The following FRYL variants were observed in gnomAD, a reference collection of about 807,000 sequenced individuals.
FRYL encodes FRY like transcription coactivator.
FRYL carries 150 observed loss-of-function variants against 351.2 expected under a neutral mutation model. The observed-to-expected ratio is 0.43, with a 90% confidence interval of 0.37 to 0.49. FRYL has a LOEUF of 0.49. FRYL is among the 20% of genes least tolerant of loss of function. The pLI, the probability that FRYL is intolerant of heterozygous loss-of-function variation, is 0.00. For missense variants in FRYL, 3,036 were observed against 3,619.3 expected (o/e 0.84, Z 4.13); for synonymous variants, 1,153 against 1,257.1 (o/e 0.92, Z 1.75).
intron 55 of FRYL, among the ~76,000 whole-genome samples, chr4:48,518,908 T>C (rs1046460457): frequency 5.9e-5 from 9 of 152,232 alleles, no homozygotes; most frequent in African/African-American, 2.2e-4. Context: ...TGAAGCTCCA[T>C]AAAACCAAAA....
intron 3 of FRYL, among the ~76,000 whole-genome samples, chr4:48,668,386 T>TAAAAAAAA (rs1226517947): frequency 4.9e-5 from 6 of 122,816 alleles, no homozygotes; most frequent in African/African-American, 3.0e-5. Context: ...CTCAAAAAAT[T>TAAAAAAAA]AAAAAAAAAA....
intron 3 of FRYL, among the ~76,000 whole-genome samples, chr4:48,653,463 T>C (rs1388234562): frequency 2.6e-5 from 4 of 151,950 alleles, no homozygotes; most frequent in Non-Finnish European, 5.9e-5. Context: ...TTTGCCAGAA[T>C]AACACAAATT....
At chr4:48,642,689 C>T (rs539557892) in intron 3 of FRYL, among the ~76,000 whole-genome samples, 31 of 152,126 alleles carry the variant, frequency 2.0e-4, no homozygotes, top group African/African-American at 7.2e-4. Flanking sequence ...TATTATAAAG[C>T]TCAAGAAAAA....
intron 35 of FRYL, among the ~76,000 whole-genome samples, chr4:48,553,615 G>A (rs1305563990): frequency 4.0e-5 from 6 of 150,874 alleles, no homozygotes; most frequent in Non-Finnish European, 5.9e-5. Flanking sequence ...TATGTTTAGC[G>A]GTTTAGTGGT....
intron 1 of FRYL, 141 bp downstream of exon 1, chr4:48,779,937 G>T (rs1038515912): frequency 6.6e-6 from 1 of 151,962 alleles, no homozygotes; most frequent in African/African-American, 2.4e-5. Context: ...TTCCCTCGGC[G>T]CCCACCAGGA....
chr4:48,512,723 A>G, intron 56 of FRYL, 35 bp from the exon 57 acceptor site: 1 of 1,489,524 alleles, frequency 6.7e-7, no homozygotes, highest in South Asian at 1.1e-5. Context: ...TCATAACACT[A>G]TCTCAGAAAA....
Position 48,645,154 on chromosome 4 carries a change from A to C in FRYL, c.-80-10664T>G, listed in dbSNP as rs186942213. Among the ~76,000 whole-genome samples, 719 of 122,118 alleles carry C rather than the reference A, an allele frequency of 5.9e-3. 19 individuals are homozygous for C. The highest frequency in any genetic ancestry group is 9.8e-3 in the Non-Finnish European group (547 of 55,688). The allele number at this position is 122,118 out of a possible 152,430, so 80.1% of individuals were successfully genotyped here. ...TATATATATATATATATATATATATATCAGACTGGCAAATACTAAAAAGAA... is the reference window on the plus strand; with the variant it reads ...TATATATATATATATATATATATATCTCAGACTGGCAAATACTAAAAAGAA... On this transcript the variant is annotated intron_variant, in intron 3 of 63. Transcript: ENST00000358350.
chr4:48,512,776 C>T, intron 56 of FRYL, 88 bp from the exon 57 acceptor site: 4 of 928,590 alleles, frequency 4.3e-6, no homozygotes, highest in Admixed American at 2.3e-5. Flanking sequence ...AGTCATTTGA[C>T]AGGTTATTTT....
chr4:48,599,966 C>T (rs562712127), intron 13 of FRYL, among the ~76,000 whole-genome samples: 178 of 151,728 alleles, frequency 1.2e-3, no homozygotes, highest in African/African-American at 4.2e-3. Context: ...AATCAGCCGG[C>T]GGTGGTGGCA....
At chr4:48,741,645 G>A (rs1772089422) in intron 1 of FRYL, among the ~76,000 whole-genome samples, 3 of 152,016 alleles carry the variant, frequency 2.0e-5, no homozygotes, top group South Asian at 2.1e-4. Flanking sequence ...GCAGTGAACC[G>A]AAATGGCGCC....
At chr4:48,524,591 G>A (rs1415889684) in intron 53 of FRYL, among the ~76,000 whole-genome samples, 1 of 152,102 alleles carries the variant, frequency 6.6e-6, no homozygotes, top group Non-Finnish European at 1.5e-5. Flanking sequence ...ACTATATCCA[G>A]GTTTTAGAAA....
intron 7 of FRYL, among the ~76,000 whole-genome samples, chr4:48,616,860 T>A (rs1161613581): frequency 6.6e-6 from 1 of 152,200 alleles, no homozygotes; most frequent in Non-Finnish European, 1.5e-5. Context: ...GTAAAAGTCC[T>A]ATTAAATTGT....
intron 1 of FRYL, among the ~76,000 whole-genome samples, chr4:48,767,832 A>G (rs1465605448): frequency 6.6e-6 from 1 of 152,158 alleles, no homozygotes; most frequent in Non-Finnish European, 1.5e-5. Flanking sequence ...CTAATCCTGG[A>G]TTGCAGCTAC....
chr4:48,728,364 G>A (rs892302201), intron 1 of FRYL, among the ~76,000 whole-genome samples: 8 of 151,950 alleles, frequency 5.3e-5, no homozygotes, highest in African/African-American at 1.9e-4. Flanking sequence ...AACAGAGGAC[G>A]AAACACAAAA....
chr4:48,773,425 A>C (rs1007320054), intron 1 of FRYL, among the ~76,000 whole-genome samples: 1 of 152,172 alleles, frequency 6.6e-6, no homozygotes, highest in African/African-American at 2.4e-5. Flanking sequence ...GATTAGAACT[A>C]AGTACTTTTA....
chr4:48,713,475 T>C lies in FRYL; in HGVS notation c.-383-2777A>G, dbSNP rs1163209299. On this transcript the variant is annotated intron_variant, in intron 1 of 63. Coordinates refer to ENST00000358350, the MANE Select transcript of FRYL (RefSeq NM_015030.2). ...AAAAAGGCAGCGGTTGCAATCCTAG[T>C]CTCTGATAATACAGACTTTAAACCA... Among the ~76,000 whole-genome samples the C allele has an allele frequency of 3.3e-5, 5 of 152,172 alleles. No individual in the cohort carries two copies. The East Asian group carries it at 9.7e-4, about 29-fold the overall frequency.
In FRYL at chr4:48,497,406, CATATAA is replaced by C. The variant is rs1718686174; in HGVS notation, c.*2010_*2015del. On this transcript the variant is annotated 3_prime_UTR_variant, in exon 64 of 64. Transcript: ENST00000358350. ...TTTATTATATTAATAGACTTAGTTA[CATATAA>C]ATAAACACAAAAAGCAAATATCAAC... The C allele has an allele frequency of 6.6e-6, 1 of 152,410 alleles. No homozygotes were observed. The highest frequency in any genetic ancestry group is 6.6e-5 in the Admixed American group (1 of 15,266). The allele number at this position is 152,410 out of a possible 1,614,324, so 9.4% of individuals were successfully genotyped here. A position where few individuals can be genotyped will look rare whatever the true frequency, so the allele number is the denominator to read the frequency against.
At chr4:48,524,938 G>A (rs2148845856) in intron 53 of FRYL, among the ~76,000 whole-genome samples, 1 of 151,990 alleles carries the variant, frequency 6.6e-6, no homozygotes, top group East Asian at 1.9e-4. Flanking sequence ...CCTTGGGTAG[G>A]GCAGCAGGTC....
At chr4:48,767,092 CAT>C (rs1775037365) in intron 1 of FRYL, among the ~76,000 whole-genome samples, 1 of 151,178 alleles carries the variant, frequency 6.6e-6, no homozygotes, top group African/African-American at 2.4e-5. Flanking sequence ...TGCTAGAAGA[CAT>C]ATCTGAGACT....
Sources: allele counts gnomAD v4.1 joint callset (sites outside exome capture counted in the v4.1 genomes callset), GRCh38; gene constraint gnomAD v4.1.1; transcripts MANE v1.5; gene names NCBI Gene and HGNC (gene_info 2026-07-23, HGNC 2026-07-21).